MYOM2: variants seen among roughly 807,000 people sequenced by gnomAD.
MYOM2 encodes the protein myomesin 2, also known as myomesin-2.
In MYOM2, 254 loss-of-function variants were observed where a neutral mutation model predicts 187.6. The ratio of observed to expected loss-of-function variants is 1.35; its 90% CI spans 1.22 to 1.50. MYOM2 has a LOEUF of 1.50. MYOM2 is among the 40% of genes most tolerant of loss of function. The probability of loss-of-function intolerance (pLI) is 0.00; values close to 1 mark genes in which losing one functional copy is unlikely to be tolerated. For missense variants in MYOM2, 2,796 were observed against 1,924.0 expected, an observed-to-expected ratio of 1.45 and a Z score of -8.48; for synonymous variants, 981 against 753.8, an observed-to-expected ratio of 1.30 and a Z score of -4.94.
intron 32 of MYOM2, among the ~76,000 whole-genome samples, chr8:2,132,228 G>A (rs1461171612): frequency 2.0e-5 from 3 of 148,096 alleles, no homozygotes; most frequent in African/African-American, 7.8e-5. Context: ...TGGTGCTGTG[G>A]GTCCTGGAAT....
At position 2,095,363 on chromosome 8, in the gene MYOM2, C is replaced by T. The variant is rs189892959; in HGVS notation, c.2126-884C>T. ...CTGGGGTGCAGTCGTGTGATCACAG[C>T]TCCCTGCAGCCTTGAGCTTTTGGGC... On this transcript the variant is annotated intron_variant, in intron 17 of 36. Transcript: ENST00000262113. Among the ~76,000 whole-genome samples the T allele has an allele frequency of 4.0e-5, 6 of 151,388 alleles. No homozygotes were observed. The East Asian group carries it at 1.2e-3, about 29-fold the overall frequency.
In MYOM2 at chr8:2,078,719, T is replaced by G. The variant is rs1202521018; in HGVS notation, c.1263-15T>G. On this transcript the variant is annotated splice_polypyrimidine_tract_variant and intron_variant, in intron 11 of 36. Coordinates refer to ENST00000262113, the MANE Select transcript of MYOM2 (RefSeq NM_003970.4). ...ATTTGCTATTCTCTGTTGTTTTTCT[T>G]TTTTTAACTTGAAGATGTGAAGTAG... 1 of 1,613,858 alleles carries G rather than the reference T, an allele frequency of 6.2e-7. No individual in the cohort carries two copies. The highest frequency in any genetic ancestry group is 1.7e-5 in the Admixed American group (1 of 59,992).
At chr8:2,141,578 G>A (rs566083895) in intron 34 of MYOM2, among the ~76,000 whole-genome samples, 6 of 152,206 alleles carry the variant, frequency 3.9e-5, no homozygotes, top group African/African-American at 9.6e-5. Context: ...TCTGGCTCAG[G>A]CTAGGAAGGT....
chr8:2,103,308 T>C (rs6989753), intron 21 of MYOM2, among the ~76,000 whole-genome samples: 31,298 of 151,514 alleles, frequency 0.21, 4,034 homozygotes, highest in Admixed American at 0.31. Context: ...GGTAAATGGA[T>C]AAATGAGTGG....
chr8:2,124,915 C>G (rs894580042), intron 31 of MYOM2, among the ~76,000 whole-genome samples: 4 of 152,100 alleles, frequency 2.6e-5, no homozygotes, highest in African/African-American at 7.2e-5. Context: ...TGTTCAGATC[C>G]TTTGCCCATT....
At chr8:2,097,119 A>C (rs1796521218) in intron 18 of MYOM2, 1 of 982,212 alleles carries the variant, frequency 1.0e-6, no homozygotes, top group South Asian at 4.7e-5. Context: ...TTACACTCCA[A>C]CAGGAGGGCT....
chr8:2,136,066 A>G (rs6558609), intron 32 of MYOM2, among the ~76,000 whole-genome samples: 19,847 of 152,130 alleles, frequency 0.13, 2,196 homozygotes, highest in African/African-American at 0.28. Flanking sequence ...ATGTTCTGTG[A>G]GTGGCTTTGT....
chr8:2,092,111 T>G (rs997783678), intron 15 of MYOM2, among the ~76,000 whole-genome samples: 3 of 152,102 alleles, frequency 2.0e-5, no homozygotes, highest in African/African-American at 7.2e-5. Flanking sequence ...GATGTCATCC[T>G]GTGTCTCTAG....
At chr8:2,085,568 CCCCA>C (rs1563444880) in intron 14 of MYOM2, among the ~76,000 whole-genome samples, 178 bp downstream of exon 14, 1 of 10,030 alleles carries the variant, frequency 1.0e-4, no homozygotes, top group Non-Finnish European at 1.5e-4. Context: ...CTCTGCGTGG[CCCCA>C]CTGTTGTGAT....
chr8:2,084,595 A>T (rs1311623165), intron 13 of MYOM2, among the ~76,000 whole-genome samples: 1 of 152,204 alleles, frequency 6.6e-6, no homozygotes, highest in Non-Finnish European at 1.5e-5. Context: ...CACACCTCAT[A>T]GTATATTTAA....
intron 32 of MYOM2, among the ~76,000 whole-genome samples, chr8:2,139,682 T>C (rs1048186199): frequency 6.6e-5 from 10 of 152,080 alleles, no homozygotes; most frequent in African/African-American, 2.4e-4. Flanking sequence ...GAGAAACAGG[T>C]CCACATTCCA....
intron 8 of MYOM2, among the ~76,000 whole-genome samples, chr8:2,070,501 ATCTGGGTG>A (rs1819177890): frequency 6.6e-6 from 1 of 152,038 alleles, no homozygotes; most frequent in Non-Finnish European, 1.5e-5. Flanking sequence ...AGCCCGGGAG[ATCTGGGTG>A]TCTGTGTGTA....
At chr8:2,083,903 G>A (rs1044260632) in intron 13 of MYOM2, among the ~76,000 whole-genome samples, 2 of 152,146 alleles carry the variant, frequency 1.3e-5, no homozygotes, top group African/African-American at 2.4e-5. Context: ...CCACTTTCTC[G>A]GGGCCTTTTG....
rs567394763 is a variant in MYOM2, at chr8:2,142,492, A to G, written c.4024+95A>G. 15 of 1,229,290 alleles carry G rather than the reference A, an allele frequency of 1.2e-5. No individual in the cohort carries two copies. The African/African-American group carries it at 1.6e-4, about 13-fold the overall frequency. The allele number at this position is 1,229,290 out of a possible 1,614,324, so 76.1% of individuals were successfully genotyped here. A position where few individuals can be genotyped will look rare whatever the true frequency, so the allele number is the denominator to read the frequency against. On this transcript the variant is annotated intron_variant, in intron 35 of 36. Transcript: ENST00000262113. ...GAGGACCAACTTTGTGTATTAAATA[A>G]TAACCAGCAATCCCCCACCCTGATG...
intron 8 of MYOM2, among the ~76,000 whole-genome samples, chr8:2,070,707 C>T (rs116747485): frequency 2.0e-5 from 3 of 152,228 alleles, no homozygotes; most frequent in Non-Finnish European, 4.4e-5. Flanking sequence ...CTCATGTGTT[C>T]ACCACCCGTG....
chr8:2,096,569 C>T (rs1046096575), intron 18 of MYOM2, 135 bp downstream of exon 18: 4 of 886,628 alleles, frequency 4.5e-6, no homozygotes, highest in Non-Finnish European at 6.8e-6. Flanking sequence ...ATCATGAGAT[C>T]ATGAAGTTTT....
In MYOM2 at chr8:2,109,400, C is replaced by G. The variant is rs1215986911; in HGVS notation, c.3049C>G (p.Pro1017Ala). Reference protein sequence around the residue: ...LSNEIKNPTIPLKSELAYEIF... With the variant: ...LSNEIKNPTIALKSELAYEIF... Reference sequence around the variant, plus strand: ...GATTTCTTTTCTTCCTGTAGCAATTCCTCTGAAATCGGAATTAGCTTATGA... The same window carrying G: ...GATTTCTTTTCTTCCTGTAGCAATTGCTCTGAAATCGGAATTAGCTTATGA... The change falls in exon 25 of 37, where the codon CCT (proline) becomes GCT (alanine). Residue 1017 changes from proline to alanine, a missense_variant. Pro to Ala is a conservative substitution (Grantham distance 27). Coordinates refer to ENST00000262113, the MANE Select transcript of MYOM2 (RefSeq NM_003970.4). 1 of 1,603,586 alleles carries G rather than the reference C, an allele frequency of 6.2e-7. No homozygotes were observed.
In MYOM2 at chr8:2,116,017, T is replaced by G; in HGVS notation, c.3238T>G (p.Phe1080Val). 1 of 1,613,826 alleles carries G rather than the reference T, an allele frequency of 6.2e-7. No homozygotes were observed. The highest frequency in any genetic ancestry group is 8.5e-7 in the Non-Finnish European group (1 of 1,179,912). The change falls in exon 26 of 37, where the codon TTT becomes GTT. Residue 1080 changes from phenylalanine (F) to valine (V), a missense_variant. Coordinates refer to ENST00000262113, the MANE Select transcript of MYOM2 (RefSeq NM_003970.4). ...CATTATTGAGATGGTGATGGATCGA[T>G]TTAGTATTGAAAATGAGGGGACCTA... is the stretch of plus-strand genomic sequence containing the variant. ...TGIIEMVMDRFSIENEGTYTV... is the reference protein window; with the variant it reads ...TGIIEMVMDRVSIENEGTYTV...
At position 2,144,666 on chromosome 8, in the gene MYOM2, C is replaced by A. The variant is rs371758304; in HGVS notation, c.4083C>A (p.Thr1361=). 5.0e-6 allele frequency: 8 copies of A among 1,613,490 alleles called. No individual in the cohort carries two copies. The highest frequency in any genetic ancestry group is 6.8e-6 in the Non-Finnish European group (8 of 1,179,924). The change falls in exon 37 of 37, where the codon ACC becomes ACA. Residue 1361 remains threonine, a splice_region_variant and synonymous_variant. Transcript: ENST00000262113. ...PDVVTIMEGK[T]LNLTCTVFGN... is the part of the protein sequence containing the mutation. ...CCACCAACCTCTTCCGTCCAAAGAC[C>A]TTGAATCTGACCTGCACGGTGTTTG...
Sources: allele counts gnomAD v4.1 joint callset (sites outside exome capture counted in the v4.1 genomes callset), GRCh38; gene constraint gnomAD v4.1.1; transcripts MANE v1.5; gene names NCBI Gene and HGNC (gene_info 2026-07-23, HGNC 2026-07-21).